The following B3GAT1 variants were observed in gnomAD, a reference collection of about 807,000 sequenced individuals.
The protein encoded by B3GAT1 is beta-1,3-glucuronyltransferase 1, also known as galactosylgalactosylxylosylprotein 3-beta-glucuronosyltransferase 1.
Under a neutral mutation model 28.4 loss-of-function variants are expected in B3GAT1, and 11 were observed. The ratio of observed to expected loss-of-function variants is 0.39; its 90% CI spans 0.24 to 0.64. The LOEUF (loss-of-function observed/expected upper bound fraction) is 0.64. B3GAT1 is among the 30% of genes least tolerant of loss of function. The pLI is 0.50. For missense variants in B3GAT1, 375 were observed against 491.0 expected (o/e 0.76, Z 2.23); for synonymous variants, 255 against 223.1 (o/e 1.14, Z -1.27).
chr11:134,395,481 C>T (rs527401296), intron 1 of B3GAT1, among the ~76,000 whole-genome samples: 11 of 152,108 alleles, frequency 7.2e-5, no homozygotes, highest in South Asian at 2.1e-4. Context: ...CATGACCGGA[C>T]GATGGTGCAC....
chr11:134,382,805 G>T lies in B3GAT1; in HGVS notation c.823C>A (p.Leu275Met). ...TGGTAGCCTCCCTTCACACCTCGCA[G>T]CTTGAAGTAGGCCTGGCTTCGCTGC... is the stretch of plus-strand genomic sequence containing the variant. Reference protein sequence around the residue: ...ILQRSQAYFKLRGVKGGYQES... With the variant: ...ILQRSQAYFKMRGVKGGYQES... The change falls in exon 4 of 6, where the codon CTG (leucine) becomes ATG (methionine). Residue 275 changes from leucine to methionine, a missense_variant. Leu to Met is a conservative substitution (Grantham distance 15, BLOSUM62 2). Coordinates refer to ENST00000312527, the MANE Select transcript of B3GAT1 (RefSeq NM_054025.3). The T allele has an allele frequency of 6.2e-7, 1 of 1,614,240 alleles. No homozygotes were observed. The highest frequency in any genetic ancestry group is 8.5e-7 in the Non-Finnish European group (1 of 1,180,038).
At chr11:134,384,300 G>C in intron 2 of B3GAT1, 112 bp from the exon 3 acceptor site, 1 of 1,362,106 alleles carries the variant, frequency 7.3e-7, no homozygotes, top group Non-Finnish European at 9.7e-7. Context: ...CCCGCTGCAG[G>C]GGCTGCTCAG....
In B3GAT1 at chr11:134,411,620, CCCG is replaced by C. The variant is rs1944856116; in HGVS notation, c.-282+184_-282+186del. Among the ~76,000 whole-genome samples the C allele has an allele frequency of 6.6e-6, 1 of 152,058 alleles. No homozygotes were observed. Among genetic ancestry groups the C allele is most frequent in the Non-Finnish European group, 1.5e-5 (1 of 67,988 alleles). Reference sequence around the variant, plus strand: ...GCCCCTCGGCAGCAGCGCCTCCCAGCCCGAGCTCGGTTCTCGGCCCCCTTTCCA... The same window carrying C: ...GCCCCTCGGCAGCAGCGCCTCCCAGCAGCTCGGTTCTCGGCCCCCTTTCCA... On this transcript the variant is annotated intron_variant, in intron 1 of 5. Transcript: ENST00000312527. This position sits in a 1 kb window ranked among gnomAD's most constrained non-coding sequence, Gnocchi z 6.0.
Position 134,411,415 on chromosome 11 carries a change from G to A in B3GAT1, c.-282+392C>T, listed in dbSNP as rs1452572989. On this transcript the variant is annotated intron_variant, in intron 1 of 5. Coordinates refer to ENST00000312527, the MANE Select transcript of B3GAT1 (RefSeq NM_054025.3). The surrounding 1 kb of genome is among the most constrained non-coding windows in gnomAD (Gnocchi z 6.0). ...ATCCAGAGAGCGCTGTTGGGCAGCA[G>A]GGGTGGGGAGGTGGGGGACGACTGA... Among the ~76,000 whole-genome samples the A allele has an allele frequency of 3.3e-5, 5 of 152,172 alleles. No homozygotes were observed. The highest frequency in any genetic ancestry group is 5.9e-5 in the Non-Finnish European group (4 of 68,036).
intron 1 of B3GAT1, among the ~76,000 whole-genome samples, chr11:134,400,426 T>C (rs923891053): frequency 2.0e-5 from 3 of 152,124 alleles, no homozygotes; most frequent in African/African-American, 7.2e-5. Context: ...AATGAGGGAA[T>C]CAACGGAAAA....
chr11:134,387,623 T>C lies in B3GAT1; in HGVS notation c.37A>G (p.Ile13Val). The C allele has an allele frequency of 1.2e-6, 2 of 1,614,136 alleles. No homozygotes were observed. Among genetic ancestry groups the C allele is most frequent in the South Asian group, 1.1e-5 (1 of 91,080 alleles). Reference sequence around the variant, plus strand: ...ATGAGCAGAGTCCAGGGCAGCACGATGAGGACGATCGCTAGGATGTCCCGT... The same window carrying C: ...ATGAGCAGAGTCCAGGGCAGCACGACGAGGACGATCGCTAGGATGTCCCGT... Reference protein sequence around the residue: ...KRRDILAIVLIVLPWTLLITV... With the variant: ...KRRDILAIVLVVLPWTLLITV... The change falls in exon 2 of 6, where the codon ATC becomes GTC. Residue 13 changes from isoleucine (I) to valine (V), a missense_variant. Coordinates refer to ENST00000312527, the MANE Select transcript of B3GAT1 (RefSeq NM_054025.3).
intron 3 of B3GAT1, among the ~76,000 whole-genome samples, chr11:134,383,393 T>C (rs1432838962): frequency 6.6e-6 from 1 of 152,150 alleles, no homozygotes; most frequent in Non-Finnish European, 1.5e-5. Flanking sequence ...AAGAGGTTTC[T>C]GGTAGTCACG....
chr11:134,382,758 T>C lies in B3GAT1; in HGVS notation c.870A>G (p.Glu290=). The change falls in exon 4 of 6, where the codon GAA becomes GAG. Residue 290 remains glutamate (E), a synonymous_variant. Transcript: ENST00000312527. ...GGYQESSLLR[E]LVTLNDLEPK... ...GCTCCAGGTCGTTGAGGGTGACAAG[T>C]TCTCGAAGGAGGCTGCTTTCCTGGT... 3 of 1,614,118 alleles carry C rather than the reference T, an allele frequency of 1.9e-6. No homozygotes were observed. The highest frequency in any genetic ancestry group is 1.6e-4 in the Middle Eastern group (1 of 6,062).
chr11:134,387,492 G>A, intron 2 of B3GAT1, 56 bp downstream of exon 2: 1 of 1,602,394 alleles, frequency 6.2e-7, no homozygotes, highest in Non-Finnish European at 8.5e-7. Flanking sequence ...TGTCAGCTGT[G>A]GTCACTGTCA....
chr11:134,391,370 G>A (rs1944409226), intron 1 of B3GAT1: 2 of 152,236 alleles, frequency 1.3e-5, no homozygotes, highest in Non-Finnish European at 2.9e-5. Context: ...CCAGGCAGCG[G>A]GTGGGCTGCA....
At chr11:134,396,311 C>T (rs1944504621) in intron 1 of B3GAT1, among the ~76,000 whole-genome samples, 2 of 152,164 alleles carry the variant, frequency 1.3e-5, no homozygotes, top group Admixed American at 1.3e-4. Flanking sequence ...ATGTCTGGCC[C>T]TCAGCTCCTC....
chr11:134,383,415 A>T (rs1944182363), intron 3 of B3GAT1, among the ~76,000 whole-genome samples: 1 of 152,032 alleles, frequency 6.6e-6, no homozygotes, highest in African/African-American at 2.4e-5. Context: ...AGAATGACCT[A>T]CTCACAAACC....
At chr11:134,399,177 G>A (rs917242871) in intron 1 of B3GAT1, among the ~76,000 whole-genome samples, 4 of 152,166 alleles carry the variant, frequency 2.6e-5, no homozygotes, top group African/African-American at 7.2e-5. Flanking sequence ...ATCCCTACCC[G>A]CCTCCAGCCT....
chr11:134,382,687 G>C (rs759789693), intron 4 of B3GAT1, 23 bp downstream of exon 4: 19 of 1,602,226 alleles, frequency 1.2e-5, no homozygotes, highest in African/African-American at 6.7e-5. Flanking sequence ...CATCACAGCT[G>C]TCAGTTCTGC....
chr11:134,384,001 G>T lies in B3GAT1; in HGVS notation c.300C>A (p.Ala100=). 6.2e-7 allele frequency: 1 copy of T among 1,604,832 alleles called. No individual in the cohort carries two copies. The highest frequency in any genetic ancestry group is 8.5e-7 in the Non-Finnish European group (1 of 1,178,986). The change falls in exon 3 of 6, where the codon GCC becomes GCA. Residue 100 remains alanine (A), a synonymous_variant. Coordinates refer to ENST00000312527, the MANE Select transcript of B3GAT1 (RefSeq NM_054025.3). ...TPTYSRPVQK[A]ELTRMANTLL... ...GCGTGTTGGCCATGCGCGTCAGCTC[G>T]GCCTTCTGCACCGGGCGGCTGTAGG...
chr11:134,385,693 C>T (rs941866424), intron 2 of B3GAT1: 1 of 152,254 alleles, frequency 6.6e-6, no homozygotes, highest in Non-Finnish European at 1.5e-5. Flanking sequence ...CATCCCAAGG[C>T]CGCAGAGGAC....
intron 1 of B3GAT1, chr11:134,388,160 G>C (rs1370202437): frequency 8.7e-6 from 3 of 343,764 alleles, no homozygotes; most frequent in Admixed American, 3.8e-5. Context: ...ATGAAAGTCA[G>C]TAGGGTGCAG....
intron 1 of B3GAT1, among the ~76,000 whole-genome samples, chr11:134,408,118 G>A (rs1284146636): frequency 1.3e-5 from 2 of 152,270 alleles, no homozygotes; most frequent in Non-Finnish European, 2.9e-5. Flanking sequence ...ATAAGGAAGG[G>A]TGGGTCCAGC....
At chr11:134,390,175 C>A (rs11825422) in intron 1 of B3GAT1, 10,032 of 152,330 alleles carry the variant, frequency 0.066, 901 homozygotes, top group African/African-American at 0.2. Flanking sequence ...GAGCCTAGAA[C>A]CCCACACGGG....
Sources: allele counts gnomAD v4.1 joint callset (sites outside exome capture counted in the v4.1 genomes callset), GRCh38; gene constraint gnomAD v4.1.1; non-coding constraint Gnocchi (gnomAD v3.1); transcripts MANE v1.5; gene names NCBI Gene and HGNC (gene_info 2026-07-23, HGNC 2026-07-21).